DPYD: variants seen among roughly 807,000 people sequenced by gnomAD.
DPYD encodes dihydropyrimidine dehydrogenase [NADP(+)].
Under a neutral mutation model 116.2 loss-of-function variants are expected in DPYD, and 109 were observed. That is an observed-to-expected ratio of 0.94 (90% CI 0.80 to 1.10). The LOEUF (loss-of-function observed/expected upper bound fraction) is 1.10. DPYD is among the 50% of genes least tolerant of loss of function. The pLI is 0.00. For missense variants in DPYD, 1,302 were observed against 1,254.5 expected (o/e 1.04, Z -0.57); for synonymous variants, 440 against 432.0 (o/e 1.02, Z -0.23).
At chr1:97,737,590 G>T (rs1258117354) in intron 4 of DPYD, among the ~76,000 whole-genome samples, 1 of 152,052 alleles carries the variant, frequency 6.6e-6, no homozygotes, top group Non-Finnish European at 1.5e-5. Flanking sequence ...TCAATATTTT[G>T]TTTGATAAGA....
intron 21 of DPYD, 111 bp from the exon 22 acceptor site, chr1:97,082,581 T>C (rs554816902): frequency 1.6e-6 from 2 of 1,238,570 alleles, no homozygotes; most frequent in East Asian, 4.7e-5. Context: ...TTATATTAAC[T>C]TGGGAGACTG....
At chr1:97,845,855 G>C (rs886444820) in intron 2 of DPYD, among the ~76,000 whole-genome samples, 1 of 152,116 alleles carries the variant, frequency 6.6e-6, no homozygotes, top group African/African-American at 2.4e-5. Flanking sequence ...TCCACGTGTG[G>C]GTGCATACAG....
At chr1:97,208,959 G>A (rs1570674379) in intron 19 of DPYD, among the ~76,000 whole-genome samples, 1 of 151,594 alleles carries the variant, frequency 6.6e-6, no homozygotes, top group Admixed American at 6.6e-5. Context: ...TGTCTTCTGA[G>A]GTGTGTGTGT....
intron 8 of DPYD, among the ~76,000 whole-genome samples, chr1:97,641,664 G>T (rs1657913460): frequency 6.6e-6 from 1 of 152,100 alleles, no homozygotes; most frequent in Non-Finnish European, 1.5e-5. Context: ...GCAAAAGCTG[G>T]AACCATTCCC....
intron 12 of DPYD, among the ~76,000 whole-genome samples, chr1:97,534,765 AT>A: frequency 6.6e-6 from 1 of 152,146 alleles, no homozygotes; most frequent in African/African-American, 2.4e-5. Context: ...ATAGTTCTCC[AT>A]TTTTTTAAAT....
At chr1:97,502,583 C>T (rs549119092) in intron 13 of DPYD, among the ~76,000 whole-genome samples, 283 of 152,102 alleles carry the variant, frequency 1.9e-3, no homozygotes, top group Non-Finnish European at 3.0e-3. Flanking sequence ...TCAAAGTCCA[C>T]TCTGACGGTG....
chr1:97,473,980 C>T (rs1288856443), intron 13 of DPYD, among the ~76,000 whole-genome samples: 2 of 145,412 alleles, frequency 1.4e-5, no homozygotes, highest in African/African-American at 5.1e-5. Context: ...CCACTCACTG[C>T]ACTCCTGCCT....
intron 20 of DPYD, among the ~76,000 whole-genome samples, chr1:97,106,551 C>G (rs1173493225): frequency 6.6e-6 from 1 of 152,132 alleles, no homozygotes; most frequent in Non-Finnish European, 1.5e-5. Context: ...TATCAGAGCT[C>G]TAGGTTCTTG....
intron 5 of DPYD, among the ~76,000 whole-genome samples, chr1:97,713,657 A>T (rs1446580808): frequency 6.6e-6 from 1 of 152,140 alleles, no homozygotes; most frequent in Non-Finnish European, 1.5e-5. Context: ...AAATCTTCAA[A>T]GATGTTACTT....
chr1:97,617,606 A>G (rs1269713622), intron 8 of DPYD, among the ~76,000 whole-genome samples: 1 of 152,162 alleles, frequency 6.6e-6, no homozygotes, highest in Non-Finnish European at 1.5e-5. Flanking sequence ...AGGGATACCT[A>G]CAAAATATTT....
chr1:97,403,294 T>C (rs535510157), intron 14 of DPYD, among the ~76,000 whole-genome samples: 1 of 152,172 alleles, frequency 6.6e-6, no homozygotes, highest in Admixed American at 6.6e-5. Context: ...TCGAGGAGTG[T>C]AGTGAATGTA....
At chr1:97,862,419 T>C (rs911269233) in intron 2 of DPYD, among the ~76,000 whole-genome samples, 2 of 151,300 alleles carry the variant, frequency 1.3e-5, no homozygotes, top group Admixed American at 1.3e-4. Flanking sequence ...AGAGAAAAAA[T>C]ATATTAAATA....
intron 12 of DPYD, among the ~76,000 whole-genome samples, chr1:97,523,097 C>CT (rs1166625232): frequency 1.3e-5 from 2 of 152,054 alleles, no homozygotes; most frequent in Admixed American, 1.3e-4. Context: ...ACCATGACCT[C>CT]TTTGATTGTT....
intron 6 of DPYD, among the ~76,000 whole-genome samples, chr1:97,692,904 C>T (rs1037976088): frequency 6.6e-6 from 1 of 151,948 alleles, no homozygotes. Flanking sequence ...AAAAATCTCC[C>T]AAAGTACAGC....
At chr1:97,559,950 C>A (rs1229935613) in intron 11 of DPYD, among the ~76,000 whole-genome samples, 1 of 152,150 alleles carries the variant, frequency 6.6e-6, no homozygotes, top group Non-Finnish European at 1.5e-5. Flanking sequence ...ATAGGTATAA[C>A]TCAATTTTAT....
intron 14 of DPYD, among the ~76,000 whole-genome samples, chr1:97,413,834 T>A (rs1485904316): frequency 6.6e-6 from 1 of 152,132 alleles, no homozygotes; most frequent in East Asian, 1.9e-4. Flanking sequence ...CTATCCTCTT[T>A]TTTTTTCAAC....
At chr1:97,173,271 T>TATATATGCAC (rs1557911555) in intron 20 of DPYD, among the ~76,000 whole-genome samples, 2 of 145,686 alleles carry the variant, frequency 1.4e-5, no homozygotes, top group African/African-American at 5.3e-5. Context: ...CATATGTACA[T>TATATATGCAC]ATATATGCAC....
chr1:97,908,703 T>C (rs966888754), intron 1 of DPYD, among the ~76,000 whole-genome samples: 5 of 152,038 alleles, frequency 3.3e-5, no homozygotes, highest in Admixed American at 2.0e-4. Flanking sequence ...AACATACCAC[T>C]CCAATCTTTA....
intron 11 of DPYD, among the ~76,000 whole-genome samples, chr1:97,562,939 A>T (rs938808175): frequency 3.9e-5 from 6 of 151,992 alleles, no homozygotes; most frequent in Non-Finnish European, 7.4e-5. Flanking sequence ...AGCTGGTCTC[A>T]AACTCCTGAC....
Sources: allele counts gnomAD v4.1 joint callset (sites outside exome capture counted in the v4.1 genomes callset), GRCh38; gene constraint gnomAD v4.1.1; transcripts MANE v1.5; gene names NCBI Gene and HGNC (gene_info 2026-07-23, HGNC 2026-07-21).